The following ZFP2 variants were observed in gnomAD, a reference collection of about 807,000 sequenced individuals.
The protein encoded by ZFP2 is ZFP2 zinc finger protein.
In ZFP2, 33 loss-of-function variants were observed where a neutral mutation model predicts 36.1. That is an observed-to-expected ratio of 0.92 (90% CI 0.69 to 1.22). The LOEUF (loss-of-function observed/expected upper bound fraction) is 1.22, where lower values mean the gene tolerates loss of function less well. ZFP2 is among the 50% of genes most tolerant of loss of function. The probability of loss-of-function intolerance (pLI) is 0.00; values close to 1 mark genes in which losing one functional copy is unlikely to be tolerated. For missense variants in ZFP2, 522 were observed against 551.4 expected (o/e 0.95, Z 0.53); for synonymous variants, 170 against 178.0 (o/e 0.96, Z 0.36).
chr5:178,899,733 C>G (rs550303460), intron 1 of ZFP2, among the ~76,000 whole-genome samples: 1 of 150,164 alleles, frequency 6.7e-6, no homozygotes, highest in African/African-American at 2.4e-5. Flanking sequence ...CCAGGCTTCT[C>G]TGAAAAAGAA....
intron 1 of ZFP2, among the ~76,000 whole-genome samples, chr5:178,904,135 A>C (rs1304252325): frequency 3.3e-5 from 5 of 152,202 alleles, no homozygotes; most frequent in African/African-American, 1.2e-4. Context: ...TGAAGTAGGG[A>C]TCTAACTTCA....
chr5:178,925,323 C>T (rs1758648512), intron 4 of ZFP2, among the ~76,000 whole-genome samples: 1 of 148,694 alleles, frequency 6.7e-6, no homozygotes, highest in African/African-American at 2.4e-5. Flanking sequence ...GTGATGTTTC[C>T]AGTTTTTGCT....
chr5:178,908,172 G>A (rs10037614), intron 1 of ZFP2, among the ~76,000 whole-genome samples: 30,031 of 151,992 alleles, frequency 0.2, 3,131 homozygotes, highest in Non-Finnish European at 0.24. Context: ...TTACTGGCTG[G>A]GCGCAGTGGC....
chr5:178,910,430 G>T (rs1423165231), intron 1 of ZFP2: 2 of 777,256 alleles, frequency 2.6e-6, no homozygotes, highest in Non-Finnish European at 2.3e-6. Flanking sequence ...GGCAGCCTCG[G>T]CCTTCTTGGT....
intron 3 of ZFP2, among the ~76,000 whole-genome samples, chr5:178,915,336 T>TTTC (rs941516974): frequency 2.1e-5 from 3 of 144,176 alleles, no homozygotes; most frequent in Non-Finnish European, 3.0e-5. Flanking sequence ...TTTTTTTTTT[T>TTTC]TTTTTTTTTG....
At chr5:178,904,439 C>T (rs1758124746) in intron 1 of ZFP2, among the ~76,000 whole-genome samples, 1 of 152,030 alleles carries the variant, frequency 6.6e-6, no homozygotes, top group African/African-American at 2.4e-5. Context: ...CAGGAGATGG[C>T]ATTGGAGCTG....
At chr5:178,900,942 T>C (rs1176112496) in intron 1 of ZFP2, among the ~76,000 whole-genome samples, 2 of 152,242 alleles carry the variant, frequency 1.3e-5, no homozygotes, top group Non-Finnish European at 2.9e-5. Flanking sequence ...CAGTATATAT[T>C]ATGCCTGGCT....
intron 1 of ZFP2, among the ~76,000 whole-genome samples, chr5:178,899,007 C>T (rs1052737909): frequency 3.3e-5 from 5 of 152,168 alleles, no homozygotes; most frequent in Admixed American, 1.3e-4. Flanking sequence ...GTAATAAGAA[C>T]AAGTGTGGTT....
intron 1 of ZFP2, among the ~76,000 whole-genome samples, chr5:178,911,032 C>T (rs758088324): frequency 6.6e-6 from 1 of 152,118 alleles, no homozygotes; most frequent in Non-Finnish European, 1.5e-5. Context: ...CCTTTCTTTA[C>T]GTTTGTTGAA....
chr5:178,896,434 G>A (rs1757941749), intron 1 of ZFP2, among the ~76,000 whole-genome samples: 1 of 151,612 alleles, frequency 6.6e-6, no homozygotes, highest in East Asian at 2.0e-4. Context: ...CGGACATCCC[G>A]GGGATTCTGG....
rs1758845457 is a variant in ZFP2 at position 178,931,741 on chromosome 5, C to A, written c.428C>A (p.Ser143Tyr). 1 of 1,613,956 alleles carries A rather than the reference C, an allele frequency of 6.2e-7. No homozygotes were observed. The highest frequency in any genetic ancestry group is 1.3e-5 in the African/African-American group (1 of 74,892). ...NVCGKHFIER[S>Y]SLTVHQRIHT... Reference sequence around the variant, plus strand: ...TGTGGGAAACACTTCATTGAACGATCCTCCCTTACTGTACATCAAAGAATT... The same window carrying A: ...TGTGGGAAACACTTCATTGAACGATACTCCCTTACTGTACATCAAAGAATT... The change falls in exon 5 of 5, where the codon TCC becomes TAC. Residue 143 changes from serine to tyrosine, a missense_variant. Transcript: ENST00000361362.
At chr5:178,912,421 T>C (rs1161251460) in intron 1 of ZFP2, among the ~76,000 whole-genome samples, 163 bp from the exon 2 acceptor site, 8 of 152,150 alleles carry the variant, frequency 5.3e-5, no homozygotes, top group Admixed American at 5.2e-4. Context: ...AAAACACTTT[T>C]TATATTATGT....
intron 1 of ZFP2, chr5:178,909,932 C>T: frequency 6.9e-7 from 1 of 1,456,142 alleles, no homozygotes; most frequent in South Asian, 1.2e-5. Context: ...TCAAGGGGTT[C>T]TCTGTTAGGA....
At chr5:178,908,219 T>G (rs1185819040) in intron 1 of ZFP2, among the ~76,000 whole-genome samples, 1 of 151,982 alleles carries the variant, frequency 6.6e-6, no homozygotes, top group Non-Finnish European at 1.5e-5. Flanking sequence ...GAGGCTAAGG[T>G]GGGCAGATCA....
chr5:178,896,605 A>G (rs1019442761), intron 1 of ZFP2, among the ~76,000 whole-genome samples: 1 of 152,180 alleles, frequency 6.6e-6, no homozygotes, highest in Admixed American at 6.5e-5. Context: ...ACCTCGGGGA[A>G]TCTTTTCTTT....
intron 1 of ZFP2, among the ~76,000 whole-genome samples, chr5:178,902,700 CTT>C (rs1208995200): frequency 6.6e-6 from 1 of 152,204 alleles, no homozygotes; most frequent in Non-Finnish European, 1.5e-5. Flanking sequence ...TCTTCCTACT[CTT>C]GTCTCCAAGC....
At chr5:178,916,907 G>A (rs1758442754) in intron 4 of ZFP2, among the ~76,000 whole-genome samples, 197 bp downstream of exon 4, 1 of 152,000 alleles carries the variant, frequency 6.6e-6, no homozygotes, top group African/African-American at 2.4e-5. Flanking sequence ...CTGTATCCTG[G>A]CCTAATTTTC....
rs771316964 is a variant in ZFP2 at position 178,932,414 on chromosome 5, A to G, written c.1101A>G (p.Ser367=). 4.3e-6 allele frequency: 7 copies of G among 1,614,084 alleles called. No homozygotes were observed. In the South Asian group the frequency reaches 7.7e-5, roughly 18 times the overall value. ...MVCGKHFTGR[S]SLTVHQVIHT... ...GTGGAAAACATTTCACTGGACGATCATCCCTTACCGTGCATCAGGTCATTC... is the reference window on the plus strand; with the variant it reads ...GTGGAAAACATTTCACTGGACGATCGTCCCTTACCGTGCATCAGGTCATTC... The change falls in exon 5 of 5, where the codon TCA becomes TCG. Residue 367 remains serine, a synonymous_variant. Transcript: ENST00000361362.
chr5:178,929,937 G>A (rs1294869018), intron 4 of ZFP2, among the ~76,000 whole-genome samples: 7 of 140,872 alleles, frequency 5.0e-5, no homozygotes, highest in Non-Finnish European at 3.2e-5. Flanking sequence ...GCATCTGCTT[G>A]ACGGTGGGGG....
Sources: gnomAD v4.1 joint callset for allele counts (sites outside exome capture counted in the v4.1 genomes callset) on GRCh38, gnomAD v4.1.1 for gene constraint, MANE v1.5 for transcripts, NCBI Gene and HGNC (gene_info 2026-07-23, HGNC 2026-07-21) for gene names.